DMD: variants seen among roughly 807,000 people sequenced by gnomAD.
DMD encodes dystrophin.
In DMD, 63 loss-of-function variants were observed where a neutral mutation model predicts 330.1. The ratio of observed to expected loss-of-function variants is 0.19; its 90% CI spans 0.16 to 0.24. The LOEUF is 0.24. Among genes scored for constraint, DMD ranks in the 10% least tolerant of loss-of-function variants. The probability of loss-of-function intolerance (pLI) is 1.00; values close to 1 mark genes in which losing one functional copy is unlikely to be tolerated. For missense variants in DMD, 3,344 were observed against 2,684.1 expected (o/e 1.25, Z -5.43); for synonymous variants, 1,223 against 959.8 (o/e 1.27, Z -5.07).
chrX:32,078,131 A>C (rs1186942033), intron 44 of DMD, among the ~76,000 whole-genome samples: 1 of 111,973 alleles, frequency 8.9e-6, no homozygotes, highest in Non-Finnish European at 1.9e-5. Context: ...CCAAACTAGC[A>C]TGTCCAAATA....
intron 44 of DMD, among the ~76,000 whole-genome samples, chrX:32,008,237 T>C (rs761040265): frequency 9.0e-6 from 1 of 110,953 alleles, no homozygotes; most frequent in East Asian, 2.9e-4. Flanking sequence ...TGAGGCTAGG[T>C]GGAAAGAGTT....
intron 7 of DMD, chrX:32,756,311 C>G (rs908101462): frequency 2.7e-5 from 3 of 111,779 alleles, no homozygotes; most frequent in African/African-American, 9.7e-5. Flanking sequence ...TACTTGTTTT[C>G]TGATTGAATC....
At chrX:32,267,570 A>G (rs1043747264) in intron 43 of DMD, among the ~76,000 whole-genome samples, 5 of 112,351 alleles carry the variant, frequency 4.5e-5, no homozygotes, top group Non-Finnish European at 5.6e-5. Context: ...CAAGTCATAG[A>G]AGCCTCCAGC....
chrX:31,182,637 G>A, intron 68 of DMD, 101 bp downstream of exon 68: 1 of 824,484 alleles, frequency 1.2e-6, no homozygotes, highest in Non-Finnish European at 1.8e-6. Context: ...TTTGGAGACG[G>A]TACGAACTAA....
At chrX:31,247,182 C>A (rs2048910150) in intron 63 of DMD, among the ~76,000 whole-genome samples, 1 of 111,956 alleles carries the variant, frequency 8.9e-6, no homozygotes, top group African/African-American at 3.2e-5. Flanking sequence ...ACACAACATC[C>A]ATTCTGTAGC....
At chrX:31,436,181 C>T (rs746574169) in intron 60 of DMD, among the ~76,000 whole-genome samples, 1 of 111,810 alleles carries the variant, frequency 8.9e-6, no homozygotes, top group South Asian at 3.7e-4. Context: ...CATGGATTAC[C>T]ATAATAGCTA....
At chrX:32,345,196 T>A (rs1295527763) in intron 39 of DMD, among the ~76,000 whole-genome samples, 2 of 111,118 alleles carry the variant, frequency 1.8e-5, no homozygotes, top group Non-Finnish European at 1.9e-5. Flanking sequence ...TGCATGCAAA[T>A]AGTGATTATT....
intron 60 of DMD, among the ~76,000 whole-genome samples, chrX:31,429,014 C>T (rs1258252252): frequency 9.1e-6 from 1 of 109,333 alleles, no homozygotes; most frequent in Non-Finnish European, 1.9e-5. Flanking sequence ...CCCAGCTACT[C>T]GGGAGGCTGA....
intron 41 of DMD, among the ~76,000 whole-genome samples, chrX:32,332,837 GA>G (rs1271685150): frequency 1.8e-5 from 2 of 108,257 alleles, no homozygotes; most frequent in South Asian, 3.8e-4. Flanking sequence ...AGCATGCGTA[GA>G]TTTTTTTTTT....
intron 21 of DMD, among the ~76,000 whole-genome samples, chrX:32,484,189 A>C (rs1393189949): frequency 9.0e-6 from 1 of 111,383 alleles, no homozygotes; most frequent in Non-Finnish European, 1.9e-5. Flanking sequence ...TCAAAACCCC[A>C]TTTACTATTT....
chrX:33,184,720 CTTTTTTTTTTTT>C (rs11317329), intron 1 of DMD, among the ~76,000 whole-genome samples: 1 of 51,086 alleles, frequency 2.0e-5, no homozygotes, highest in Admixed American at 2.8e-4. Flanking sequence ...TTTTTTCTTT[CTTTTTTTTTTTT>C]TTTTTTTTTG....
intron 17 of DMD, among the ~76,000 whole-genome samples, chrX:32,527,526 C>G (rs1313271475): frequency 9.1e-6 from 1 of 109,721 alleles, no homozygotes; most frequent in East Asian, 2.9e-4. Context: ...TCTACTCTTC[C>G]CCTTTCAACT....
At chrX:31,603,917 C>T (rs186695358) in intron 55 of DMD, among the ~76,000 whole-genome samples, 64 of 111,918 alleles carry the variant, frequency 5.7e-4, no homozygotes, top group African/African-American at 1.8e-3. Context: ...CCTTGACCTT[C>T]GCATTCTTGA....
Position 31,600,802 on chromosome X carries a change from GT to G in DMD, c.8217+26870del, listed in dbSNP as rs530394628. On this transcript the variant is annotated intron_variant, in intron 55 of 78. Coordinates refer to ENST00000357033, the MANE Select transcript of DMD (RefSeq NM_004006.3). ...CCCAAGGCATTAAAATCTGCATGATGTTTTTTTTTTTTTTCTTTTTTTCTGG... is the reference window on the plus strand; with the variant it reads ...CCCAAGGCATTAAAATCTGCATGATGTTTTTTTTTTTTTCTTTTTTTCTGG... Among the ~76,000 whole-genome samples, 387 of 97,540 alleles carry G rather than the reference GT, an allele frequency of 4.0e-3. 1 individual carries two copies. The highest frequency in any genetic ancestry group is 5.1e-3 in the Middle Eastern group (1 of 195). The allele number at this position is 97,540 out of a possible 115,157, so 84.7% of individuals were successfully genotyped here. A position where few individuals can be genotyped will look rare whatever the true frequency, so the allele number is the denominator to read the frequency against.
At chrX:33,068,473 A>G (rs1243991103) in intron 1 of DMD, among the ~76,000 whole-genome samples, 1 of 112,407 alleles carries the variant, frequency 8.9e-6, no homozygotes, top group Non-Finnish European at 1.9e-5. Context: ...ATAACTGTAT[A>G]TCTAACAAAA....
chrX:33,258,776 T>C (rs1218860880), intron 1 of DMD, among the ~76,000 whole-genome samples: 1 of 111,116 alleles, frequency 9.0e-6, no homozygotes, highest in African/African-American at 3.3e-5. Context: ...TGTAGGATCA[T>C]CTGCCGCTGA....
chrX:32,282,864 A>G lies in DMD; in HGVS notation c.6290+4665T>C, dbSNP rs2097425679. ...ACCACTAAGGCATTTTCTAGCTGTA[A>G]AACAATCCTGTTATAAATTATTAAC... is the stretch of plus-strand genomic sequence containing the variant. On this transcript the variant is annotated intron_variant, in intron 43 of 78. Coordinates refer to ENST00000357033, the MANE Select transcript of DMD (RefSeq NM_004006.3). Among the ~76,000 whole-genome samples, 3 of 112,327 alleles carry G rather than the reference A, an allele frequency of 2.7e-5. No homozygotes were observed. The Admixed American group carries it at 2.8e-4, about 11-fold the overall frequency.
At chrX:32,305,136 T>C (rs2097535815) in intron 42 of DMD, among the ~76,000 whole-genome samples, 1 of 111,804 alleles carries the variant, frequency 8.9e-6, no homozygotes, top group South Asian at 3.6e-4. Flanking sequence ...TTTCTACATA[T>C]GGTGCCTCTT....
Position 32,590,221 on chromosome X carries a change from T to C in DMD, c.1602+5536A>G, listed in dbSNP as rs781545439. Among the ~76,000 whole-genome samples, 3 of 112,515 alleles carry C rather than the reference T, an allele frequency of 2.7e-5. No individual in the cohort carries two copies. In the South Asian group the frequency reaches 1.1e-3, roughly 41 times the overall value. ...AAACTATCTCATCTGCAAAAATTAT[T>C]CCTTCAGGCAATAAATATGTTTATT... On this transcript the variant is annotated intron_variant, in intron 13 of 78. Transcript: ENST00000357033.
Sources: gnomAD v4.1 joint callset for allele counts (sites outside exome capture counted in the v4.1 genomes callset) on GRCh38, gnomAD v4.1.1 for gene constraint, MANE v1.5 for transcripts, NCBI Gene and HGNC (gene_info 2026-07-23, HGNC 2026-07-21) for gene names.